The following CACNA2D1 variants were observed in gnomAD, a reference collection of about 807,000 sequenced individuals.
CACNA2D1 encodes calcium voltage-gated channel auxiliary subunit alpha2delta 1.
CACNA2D1 carries 53 observed loss-of-function variants against 171.5 expected under a neutral mutation model. The ratio of observed to expected loss-of-function variants is 0.31; its 90% CI spans 0.25 to 0.39. CACNA2D1 has a LOEUF of 0.39. Ranked by LOEUF, CACNA2D1 falls within the 10% of genes least tolerant of loss-of-function variation. The pLI, the probability that CACNA2D1 is intolerant of heterozygous loss-of-function variation, is 1.00. For synonymous variants in CACNA2D1, 442 were observed against 443.1 expected (o/e 1.00, Z 0.03); for missense variants, 903 against 1,299.8 (o/e 0.69, Z 4.69).
intron 1 of CACNA2D1, among the ~76,000 whole-genome samples, chr7:82,404,228 G>C (rs535247916): frequency 6.6e-6 from 1 of 152,156 alleles, no homozygotes; most frequent in South Asian, 2.1e-4. Flanking sequence ...AGCCGATAAA[G>C]CCCTATCACC....
rs182433870 is a variant in CACNA2D1, at chr7:82,388,633, C to T, written c.96-38984G>A. 3.2e-3 allele frequency among the ~76,000 whole-genome samples: 493 copies of T among 152,200 alleles called. 2 individuals carry two copies. The highest frequency in any genetic ancestry group is 5.6e-3 in the Non-Finnish European group (382 of 68,000). On this transcript the variant is annotated intron_variant, in intron 1 of 38. Transcript: ENST00000356860. ...CTTCCCCAGAGTGGGATTTTGATTT[C>T]ATGTGAGGGGAAAAAAAGTTTGCTT...
At chr7:82,140,117 T>A (rs1792189329) in intron 4 of CACNA2D1, among the ~76,000 whole-genome samples, 1 of 152,144 alleles carries the variant, frequency 6.6e-6, no homozygotes, top group Admixed American at 6.5e-5. Context: ...AAAAGAGTTC[T>A]TTCTCAATAT....
At chr7:81,988,527 T>C (rs1797203085) in intron 21 of CACNA2D1, among the ~76,000 whole-genome samples, 1 of 152,168 alleles carries the variant, frequency 6.6e-6, no homozygotes, top group South Asian at 2.1e-4. Flanking sequence ...TAAAAGCTTA[T>C]GTGTATGTTC....
chr7:82,136,680 C>CAAA lies in CACNA2D1; in HGVS notation c.355-7_355-5dup, dbSNP rs142849270. ...TGTAGTAGACAACTTCATTGCTCTACAAAAAAAAAAGAACGCTTTATTGAT... is the reference window on the plus strand; with the variant it reads ...TGTAGTAGACAACTTCATTGCTCTACAAAAAAAAAAAAAGAACGCTTTATTGAT... On this transcript the variant is annotated splice_region_variant and splice_polypyrimidine_tract_variant and intron_variant, in intron 4 of 38. Transcript: ENST00000356860. 52 of 1,329,318 alleles carry CAAA rather than the reference C, an allele frequency of 3.9e-5. No individual in the cohort carries two copies. The South Asian group carries it at 4.1e-4, about 11-fold the overall frequency. The allele number at this position is 1,329,318 out of a possible 1,614,324, so 82.3% of individuals were successfully genotyped here.
At chr7:82,260,064 A>G (rs1203494686) in intron 3 of CACNA2D1, among the ~76,000 whole-genome samples, 2 of 152,118 alleles carry the variant, frequency 1.3e-5, no homozygotes, top group Admixed American at 6.5e-5. Flanking sequence ...TCTACTAAAA[A>G]TACACAAATT....
In CACNA2D1 at chr7:81,973,620, A is replaced by G. The variant is rs1795525506; in HGVS notation, c.2053+835T>C. On this transcript the variant is annotated intron_variant, in intron 25 of 38. Coordinates refer to ENST00000356860, the MANE Select transcript of CACNA2D1 (RefSeq NM_000722.4). Reference sequence around the variant, plus strand: ...AAGAGAACAAAGAGACTCCTCTTTGAGAGAGAACCAAAAAAGTCAATTATG... The same window carrying G: ...AAGAGAACAAAGAGACTCCTCTTTGGGAGAGAACCAAAAAAGTCAATTATG... 2.6e-5 allele frequency among the ~76,000 whole-genome samples: 4 copies of G among 152,022 alleles called. No individual in the cohort carries two copies. The South Asian group carries it at 8.3e-4, about 31-fold the overall frequency.
intron 33 of CACNA2D1, 41 bp downstream of exon 33, chr7:81,964,166 A>G (rs773868134): frequency 6.2e-7 from 1 of 1,611,440 alleles, no homozygotes; most frequent in South Asian, 1.1e-5. Context: ...AGGACACTTG[A>G]GTACCCCTTG....
Position 82,060,213 on chromosome 7 carries a change from TATATATATAA to T in CACNA2D1, c.879+205_879+214del, listed in dbSNP as rs1562982207. On this transcript the variant is annotated intron_variant, in intron 10 of 38. Transcript: ENST00000356860. Reference sequence around the variant, plus strand: ...TATTATATATATATTATATATATAATATATATATAATATATATATATAATATGTATAAAAA... The same window carrying T: ...TATTATATATATATTATATATATAATTATATATATATAATATGTATAAAAA... Among the ~76,000 whole-genome samples the T allele has an allele frequency of 0.07, 2,648 of 37,610 alleles. 456 individuals are homozygous for T. Among genetic ancestry groups the T allele is most frequent in the African/African-American group, 0.16 (2,454 of 15,778 alleles). 24.7% of individuals were successfully genotyped at this position (37,610 alleles called of 152,430 possible).
intron 1 of CACNA2D1, among the ~76,000 whole-genome samples, chr7:82,368,707 C>T (rs1256664836): frequency 6.6e-6 from 1 of 151,964 alleles, no homozygotes; most frequent in Non-Finnish European, 1.5e-5. Context: ...TTTGTAATAC[C>T]TACAGCCTAA....
At chr7:82,140,331 G>T (rs966521235) in intron 4 of CACNA2D1, among the ~76,000 whole-genome samples, 3 of 152,020 alleles carry the variant, frequency 2.0e-5, no homozygotes, top group African/African-American at 7.2e-5. Flanking sequence ...CCAATAAATG[G>T]GATATTGCTT....
intron 3 of CACNA2D1, among the ~76,000 whole-genome samples, chr7:82,285,813 CTCTT>C (rs2047986364): frequency 6.6e-6 from 1 of 152,168 alleles, no homozygotes; most frequent in African/African-American, 2.4e-5. Flanking sequence ...GTTATGAAGA[CTCTT>C]TCCTACTTGG....
At chr7:82,404,045 T>C (rs543024704) in intron 1 of CACNA2D1, among the ~76,000 whole-genome samples, 1 of 152,190 alleles carries the variant, frequency 6.6e-6, no homozygotes, top group Non-Finnish European at 1.5e-5. Flanking sequence ...AATCTAGCAG[T>C]GTTAACTAAG....
chr7:82,194,589 G>A (rs1338897191), intron 3 of CACNA2D1, among the ~76,000 whole-genome samples: 1 of 151,688 alleles, frequency 6.6e-6, no homozygotes, highest in African/African-American at 2.4e-5. Flanking sequence ...GTTTTAATGA[G>A]AAGAGAGGGC....
intron 5 of CACNA2D1, among the ~76,000 whole-genome samples, chr7:82,134,681 G>A (rs948892469): frequency 7.9e-5 from 12 of 152,104 alleles, no homozygotes; most frequent in African/African-American, 2.9e-4. Context: ...AGTAGTAGTA[G>A]ATACTATTTT....
At chr7:82,023,153 T>A (rs1801452868) in intron 12 of CACNA2D1, among the ~76,000 whole-genome samples, 1 of 151,834 alleles carries the variant, frequency 6.6e-6, no homozygotes, top group Admixed American at 6.6e-5. Context: ...GGGATAGAGT[T>A]CATTTTAGTT....
At chr7:82,311,541 CT>C (rs955680660) in intron 3 of CACNA2D1, among the ~76,000 whole-genome samples, 1 of 151,920 alleles carries the variant, frequency 6.6e-6, no homozygotes, top group East Asian at 1.9e-4. Flanking sequence ...AAAAAAAAAT[CT>C]TTTTTCTTTC....
At chr7:82,034,822 G>C (rs1487015289) in intron 11 of CACNA2D1, among the ~76,000 whole-genome samples, 1 of 151,994 alleles carries the variant, frequency 6.6e-6, no homozygotes, top group Non-Finnish European at 1.5e-5. Context: ...CTGATCATTT[G>C]TATACTTACG....
intron 3 of CACNA2D1, among the ~76,000 whole-genome samples, chr7:82,322,576 G>A (rs965076631): frequency 1.3e-4 from 20 of 151,946 alleles, no homozygotes; most frequent in African/African-American, 4.6e-4. Context: ...CCATAATAGC[G>A]CTACTGCACT....
intron 3 of CACNA2D1, among the ~76,000 whole-genome samples, chr7:82,297,823 A>T (rs1195725956): frequency 6.6e-6 from 1 of 152,188 alleles, no homozygotes; most frequent in African/African-American, 2.4e-5. Context: ...AGCAATCTTA[A>T]TAAATAATTA....
Sources: allele counts gnomAD v4.1 joint callset (sites outside exome capture counted in the v4.1 genomes callset), GRCh38; gene constraint gnomAD v4.1.1; transcripts MANE v1.5; gene names NCBI Gene and HGNC (gene_info 2026-07-23, HGNC 2026-07-21).